The following NHEJ1 variants were observed in gnomAD, a reference collection of about 807,000 sequenced individuals.
The protein encoded by NHEJ1 is non-homologous end joining factor 1, also known as non-homologous end-joining factor 1.
NHEJ1 carries 22 observed loss-of-function variants against 39.4 expected under a neutral mutation model. The ratio of observed to expected loss-of-function variants is 0.56; its 90% CI spans 0.40 to 0.80. NHEJ1 has a LOEUF of 0.80. Ranked by LOEUF, NHEJ1 falls within the 30% of genes least tolerant of loss-of-function variation. The pLI, the probability that NHEJ1 is intolerant of heterozygous loss-of-function variation, is 0.00. For missense variants in NHEJ1, 329 were observed against 357.1 expected (o/e 0.92, Z 0.63); for synonymous variants, 154 against 135.6 (o/e 1.14, Z -0.94).
intron 5 of NHEJ1, among the ~76,000 whole-genome samples, chr2:219,135,004 C>T (rs1192164694): frequency 1.5e-5 from 2 of 136,716 alleles, no homozygotes; most frequent in Non-Finnish European, 3.1e-5. Flanking sequence ...CGTGCCATTG[C>T]ACTCCAGCCG....
intron 5 of NHEJ1, among the ~76,000 whole-genome samples, chr2:219,120,778 T>C (rs970539060): frequency 2.6e-5 from 4 of 152,194 alleles, no homozygotes; most frequent in Admixed American, 6.5e-5. Flanking sequence ...TCGGCCCTAG[T>C]ATGAGCCAAT....
rs2106317335 is a variant in NHEJ1, at chr2:219,074,028, C to T, written c.*2353G>A. On this transcript the variant is annotated 3_prime_UTR_variant, in exon 8 of 8. Transcript: ENST00000356853. ...TAGGATGAATGATTCTCAACCACTA[C>T]CCCTAGCTTTGCGGGGTAAGGGCTT... 6.6e-6 allele frequency among the ~76,000 whole-genome samples: 1 copy of T among 152,336 alleles called. No individual in the cohort carries two copies. The highest frequency in any genetic ancestry group is 2.4e-5 in the African/African-American group (1 of 41,580).
intron 5 of NHEJ1, among the ~76,000 whole-genome samples, chr2:219,079,018 A>G (rs1949039536): frequency 6.6e-6 from 1 of 152,200 alleles, no homozygotes; most frequent in South Asian, 2.1e-4. Flanking sequence ...CACTGCTATG[A>G]TTACATTATA....
intron 5 of NHEJ1, among the ~76,000 whole-genome samples, chr2:219,135,302 A>T (rs951116750): frequency 9.2e-5 from 14 of 152,274 alleles, no homozygotes; most frequent in African/African-American, 2.9e-4. Flanking sequence ...AGGGCTAGGT[A>T]TTTGTCAGAA....
At chr2:219,116,575 T>C (rs1289139441) in intron 5 of NHEJ1, among the ~76,000 whole-genome samples, 1 of 152,138 alleles carries the variant, frequency 6.6e-6, no homozygotes, top group African/African-American at 2.4e-5. Flanking sequence ...CCAGGCTGTC[T>C]CGAACTACTG....
intron 3 of NHEJ1, among the ~76,000 whole-genome samples, chr2:219,151,700 A>G (rs1949797160): frequency 6.6e-6 from 1 of 152,156 alleles, no homozygotes; most frequent in Non-Finnish European, 1.5e-5. Context: ...ACTAGATAAA[A>G]TGTGTAAAAA....
intron 5 of NHEJ1, chr2:219,095,137 A>C (rs1949194148): frequency 8.0e-6 from 3 of 376,374 alleles, no homozygotes; most frequent in South Asian, 2.0e-5. Context: ...GAAGGTGGGC[A>C]GTGGGTGTGG....
rs1948989075 is a variant in NHEJ1, at chr2:219,073,938, G to T, written c.*2443C>A. On this transcript the variant is annotated 3_prime_UTR_variant, in exon 8 of 8. Transcript: ENST00000356853. ...CCTCAGGGAGGGGCCCAAGCCAGGGGGCAGGGCTGGAATACAGCCTGGCTA... is the reference window on the plus strand; with the variant it reads ...CCTCAGGGAGGGGCCCAAGCCAGGGTGCAGGGCTGGAATACAGCCTGGCTA... Among the ~76,000 whole-genome samples, 1 of 152,266 alleles carries T rather than the reference G, an allele frequency of 6.6e-6. No individual in the cohort carries two copies. Among genetic ancestry groups the T allele is most frequent in the South Asian group, 2.1e-4 (1 of 4,834 alleles).
intron 5 of NHEJ1, among the ~76,000 whole-genome samples, chr2:219,094,814 C>T (rs138899587): frequency 7.2e-5 from 11 of 152,208 alleles, no homozygotes; most frequent in Non-Finnish European, 1.3e-4. Flanking sequence ...GCTGACCCTA[C>T]GCAACAGAAC....
chr2:219,096,242 G>A (rs1448263877), intron 5 of NHEJ1, among the ~76,000 whole-genome samples: 2 of 152,194 alleles, frequency 1.3e-5, no homozygotes, highest in African/African-American at 4.8e-5. Flanking sequence ...GAGGACACAG[G>A]AGAAAAAGAG....
rs959591604 is a variant in NHEJ1 at position 219,111,654 on chromosome 2, CACACACACAG to C, written c.589-33458_589-33449del. On this transcript the variant is annotated intron_variant, in intron 5 of 7. Transcript: ENST00000356853. This position sits in a 1 kb window ranked among gnomAD's most constrained non-coding sequence, Gnocchi z 4.1. Reference sequence around the variant, plus strand: ...ACACACACACACACACACACACACACACACACACAGAGAGATACATACAGTCAGTGGGAAA... The same window carrying C: ...ACACACACACACACACACACACACACAGAGATACATACAGTCAGTGGGAAA... 4.6e-5 allele frequency among the ~76,000 whole-genome samples: 7 copies of C among 151,614 alleles called. No individual in the cohort carries two copies. The highest frequency in any genetic ancestry group is 2.0e-4 in the Admixed American group (3 of 15,236).
chr2:219,159,927 T>C (rs1193967790), intron 1 of NHEJ1, among the ~76,000 whole-genome samples: 1 of 151,958 alleles, frequency 6.6e-6, no homozygotes, highest in Non-Finnish European at 1.5e-5. Flanking sequence ...GTTTGTCTGT[T>C]GGGTAAAGGG....
chr2:219,149,289 A>T (rs1949773059), intron 3 of NHEJ1, among the ~76,000 whole-genome samples: 1 of 152,216 alleles, frequency 6.6e-6, no homozygotes, highest in South Asian at 2.1e-4. Context: ...ATATAGAATA[A>T]TCATTTAATT....
At position 219,139,669 on chromosome 2, in the gene NHEJ1, GTTTT is replaced by G. The variant is rs1169120026; in HGVS notation, c.588+7007_588+7010del. 3.3e-5 allele frequency among the ~76,000 whole-genome samples: 5 copies of G among 152,044 alleles called. No individual in the cohort carries two copies. The East Asian group carries it at 7.7e-4, about 24-fold the overall frequency. The stretch of plus-strand genomic sequence containing the variant: ...ATAAATGTGTTTTTGGTTTTTTGGG[GTTTT>G]TTGTTTTTGTTTTTGTTTTCTGAGA... On this transcript the variant is annotated intron_variant, in intron 5 of 7. Transcript: ENST00000356853.
At chr2:219,078,044 C>T (rs1949029922) in intron 6 of NHEJ1, 45 bp downstream of exon 6, 2 of 1,311,926 alleles carry the variant, frequency 1.5e-6, no homozygotes, top group African/African-American at 1.4e-5. Context: ...AAACCTAGAT[C>T]CTAATTGTAT....
chr2:219,153,702 G>GGGC (rs1949821216), intron 3 of NHEJ1, among the ~76,000 whole-genome samples: 1 of 129,444 alleles, frequency 7.7e-6, no homozygotes, highest in Non-Finnish European at 1.7e-5. Context: ...AGGGGGGGGG[G>GGGC]GTGGAGAGAG....
At chr2:219,088,561 A>AT (rs1007456324) in intron 5 of NHEJ1, among the ~76,000 whole-genome samples, 14 of 152,318 alleles carry the variant, frequency 9.2e-5, no homozygotes, top group African/African-American at 3.1e-4. Context: ...AGTATATATT[A>AT]TTCCATTTCT....
chr2:219,088,917 A>G (rs573957166), intron 5 of NHEJ1, among the ~76,000 whole-genome samples: 1 of 152,212 alleles, frequency 6.6e-6, no homozygotes, highest in African/African-American at 2.4e-5. Context: ...GGTTCATGCC[A>G]TTCTCCTGCC....
At chr2:219,091,471 C>A (rs1047721470) in intron 5 of NHEJ1, among the ~76,000 whole-genome samples, 4 of 151,944 alleles carry the variant, frequency 2.6e-5, no homozygotes, top group Non-Finnish European at 5.9e-5. Flanking sequence ...GATAGGGAGG[C>A]AAGAGTCTCC....
Sources: allele counts gnomAD v4.1 joint callset (sites outside exome capture counted in the v4.1 genomes callset), GRCh38; gene constraint gnomAD v4.1.1; non-coding constraint Gnocchi (gnomAD v3.1); transcripts MANE v1.5; gene names NCBI Gene and HGNC (gene_info 2026-07-23, HGNC 2026-07-21).